AATK: variants seen among roughly 807,000 people sequenced by gnomAD.
AATK encodes the protein serine/threonine-protein kinase LMTK1.
A neutral mutation model predicts 114.3 loss-of-function variants in AATK; 91 were observed. That is an observed-to-expected ratio of 0.80 (90% CI 0.67 to 0.95). The LOEUF (loss-of-function observed/expected upper bound fraction) is 0.95. Among genes scored for constraint, AATK ranks in the 40% least tolerant of loss-of-function variants. The pLI, the probability that AATK is intolerant of heterozygous loss-of-function variation, is 0.00. For synonymous variants in AATK, 1,075 were observed against 916.5 expected, an observed-to-expected ratio of 1.17 and a Z score of -3.12; for missense variants, 2,176 against 1,965.2, an observed-to-expected ratio of 1.11 and a Z score of -2.03.
At chr17:81,161,533 A>G (rs1399676414) in intron 1 of AATK, among the ~76,000 whole-genome samples, 1 of 152,182 alleles carries the variant, frequency 6.6e-6, no homozygotes, top group Non-Finnish European at 1.5e-5. Context: ...CAGGGGGCAC[A>G]GGCAGGAGCA....
chr17:81,122,015 C>T lies in AATK; in HGVS notation c.1921G>A (p.Asp641Asn), dbSNP rs1339553177. 1 of 1,601,194 alleles carries T rather than the reference C, an allele frequency of 6.2e-7. No homozygotes were observed. The highest frequency in any genetic ancestry group is 8.5e-7 in the Non-Finnish European group (1 of 1,179,240). Residue 641 changes from aspartate to asparagine, a missense_variant, in exon 11 of 14, where the codon GAC (aspartate) becomes AAC (asparagine). By Grantham distance (23) the Asp-to-Asn change is conservative. This residue lies in a region of AATK where 1,701 missense variants were observed against 1,394.7 expected (regional missense o/e 1.22). Transcript: ENST00000326724. ...VAAFCPAFFE[D>N]PLGTSPLGSS... ...CCCAAAGGGGACGTGCCCAGTGGGT[C>T]CTCGAAGAAGGCAGGACAGAAGGCG...
chr17:81,142,348 T>C (rs372029721), intron 1 of AATK, among the ~76,000 whole-genome samples: 3 of 151,814 alleles, frequency 2.0e-5, no homozygotes, highest in Middle Eastern at 6.9e-3. Flanking sequence ...TCACGGCTCA[T>C]GGCAGCCTCA....
intron 1 of AATK, among the ~76,000 whole-genome samples, chr17:81,143,541 C>T (rs115919037): frequency 8.2e-4 from 58 of 70,946 alleles, no homozygotes; most frequent in South Asian, 2.0e-3. Context: ...CCCCACCCCC[C>T]GTGTCCACGC....
chr17:81,150,228 T>C (rs74002074), intron 1 of AATK, among the ~76,000 whole-genome samples: 4,004 of 152,242 alleles, frequency 0.026, 136 homozygotes, highest in East Asian at 0.19. Context: ...GCCCCTGAGC[T>C]GTTTGCTGTA....
chr17:81,138,480 CAT>C lies in AATK; in HGVS notation c.56-3981_56-3980del, dbSNP rs1341504366. Among the ~76,000 whole-genome samples, 7 of 150,502 alleles carry C rather than the reference CAT, an allele frequency of 4.7e-5. 1 individual carries two copies. Among genetic ancestry groups the C allele is most frequent in the Admixed American group, 4.0e-4 (6 of 15,146 alleles). Reference sequence around the variant, plus strand: ...GCACACACACCCACCCACATGCACACATGCATGCACACACACCCTCGTGCAGA... The same window carrying C: ...GCACACACACCCACCCACATGCACACGCATGCACACACACCCTCGTGCAGA... On this transcript the variant is annotated intron_variant, in intron 1 of 13. Coordinates refer to ENST00000326724, the MANE Select transcript of AATK (RefSeq NM_001080395.3).
At chr17:81,142,668 T>A (rs958327715) in intron 1 of AATK, among the ~76,000 whole-genome samples, 1 of 152,142 alleles carries the variant, frequency 6.6e-6, no homozygotes, top group East Asian at 1.9e-4. Context: ...AGGAGGTGCT[T>A]GGGGTGGAGA....
At chr17:81,134,733 G>T (rs1184867660) in intron 1 of AATK, among the ~76,000 whole-genome samples, 1 of 152,242 alleles carries the variant, frequency 6.6e-6, no homozygotes, top group African/African-American at 2.4e-5. Context: ...GGGGACATAG[G>T]GTTGGCAGAG....
At chr17:81,157,459 C>T (rs745845697) in intron 1 of AATK, among the ~76,000 whole-genome samples, 15 of 152,186 alleles carry the variant, frequency 9.9e-5, no homozygotes, top group Non-Finnish European at 2.2e-4. Context: ...GTGCTAGGAC[C>T]AGCCCTACTC....
intron 1 of AATK, among the ~76,000 whole-genome samples, chr17:81,140,258 C>T (rs1200095370): frequency 1.3e-5 from 2 of 152,204 alleles, no homozygotes; most frequent in Admixed American, 6.5e-5. Context: ...AGGGCCTTCA[C>T]CCCCACTTGC....
chr17:81,120,105 A>G (rs747167873), intron 11 of AATK, 22 bp from the exon 12 acceptor site: 7 of 1,465,350 alleles, frequency 4.8e-6, no homozygotes, highest in Non-Finnish European at 5.4e-6. Context: ...AGAGAGCACC[A>G]GGTAGCTCGG....
At position 81,124,929 on chromosome 17, in the gene AATK, C is replaced by T; in HGVS notation, c.840+1G>A. On this transcript the variant is annotated splice_donor_variant, in intron 8 of 13. Transcript: ENST00000326724. LOFTEE classifies it high-confidence loss of function. ...AGCCCAGCCCACCCCACCCCACTCACTCTGTACTTGCAGTGAGCCAGGCCA... is the reference window on the plus strand; with the variant it reads ...AGCCCAGCCCACCCCACCCCACTCATTCTGTACTTGCAGTGAGCCAGGCCA... The T allele has an allele frequency of 1.3e-6, 2 of 1,562,014 alleles. No individual in the cohort carries two copies. Among genetic ancestry groups the T allele is most frequent in the Non-Finnish European group, 1.7e-6 (2 of 1,150,752 alleles).
At position 81,121,280 on chromosome 17, in the gene AATK, C is replaced by T. The variant is rs775884474; in HGVS notation, c.2656G>A (p.Val886Met). 1.7e-5 allele frequency: 27 copies of T among 1,611,274 alleles called. No homozygotes were observed. The highest frequency in any genetic ancestry group is 1.4e-5 in the Non-Finnish European group (16 of 1,179,500). ...TGCAGAGAGCGGAAGGCTGGCACCA[C>T]ATCCGGCCTCCTGGCCTGCAGGCCG... ...SDGLQARRPD[V>M]VPAFRSLQKQ... Residue 886 changes from valine (V) to methionine (M), a missense_variant, in exon 11 of 14, where the codon GTG (valine) becomes ATG (methionine). Around this residue, in one of 4 missense-constraint regions of AATK, gnomAD observed 1,701 missense variants for 1,394.7 expected, o/e 1.22. Transcript: ENST00000326724.
rs368451595 is a variant in AATK, at chr17:81,121,066, C to G, written c.2870G>C (p.Gly957Ala). ...PEFVLKEAQE[G>A]CEPQAFAELA... is the part of the protein sequence containing the mutation. Reference sequence around the variant, plus strand: ...CTCCGCAAAGGCCTGGGGCTCACACCCTTCCTGCGCCTCCTTGAGCACAAA... The same window carrying G: ...CTCCGCAAAGGCCTGGGGCTCACACGCTTCCTGCGCCTCCTTGAGCACAAA... The change falls in exon 11 of 14, where the codon GGG becomes GCG. Residue 957 changes from glycine to alanine, a missense_variant. Physicochemically the swap from Gly to Ala is moderately conservative, Grantham distance 60 (BLOSUM62 0). Around this residue, in one of 4 missense-constraint regions of AATK, gnomAD observed 1,701 missense variants for 1,394.7 expected, o/e 1.22. Coordinates refer to ENST00000326724, the MANE Select transcript of AATK (RefSeq NM_001080395.3). 2.6e-5 allele frequency: 42 copies of G among 1,607,512 alleles called. No individual in the cohort carries two copies. The African/African-American group carries it at 5.1e-4, about 19-fold the overall frequency.
At position 81,120,330 on chromosome 17, in the gene AATK, C is replaced by T; in HGVS notation, c.3606G>A (p.Gln1202=). The change falls in exon 11 of 14, where the codon CAG becomes CAA. Residue 1202 remains glutamine, a synonymous_variant. Transcript: ENST00000326724. ...PAVPVVVAES[Q]SARNLRSLLK... Reference sequence around the variant, plus strand: ...GCAGGCTGCGCAGGTTGCGCGCGCTCTGGCTCTCAGCCACCACCACGGGCA... The same window carrying T: ...GCAGGCTGCGCAGGTTGCGCGCGCTTTGGCTCTCAGCCACCACCACGGGCA... The T allele has an allele frequency of 6.2e-7, 1 of 1,610,708 alleles. No homozygotes were observed. The highest frequency in any genetic ancestry group is 8.5e-7 in the Non-Finnish European group (1 of 1,179,310).
At chr17:81,124,585 A>T in intron 9 of AATK, 142 bp downstream of exon 9, 1 of 1,418,776 alleles carries the variant, frequency 7.0e-7, no homozygotes, top group Non-Finnish European at 9.4e-7. Flanking sequence ...CCACCCAACC[A>T]GCCACTTGGG....
chr17:81,119,245 CGGGGCCG>C (rs2146277075), intron 13 of AATK, 128 bp downstream of exon 13: 2 of 222,998 alleles, frequency 9.0e-6, no homozygotes, highest in Non-Finnish European at 6.6e-6. Flanking sequence ...CGGGAAGGAG[CGGGGCCG>C]GGAAGGAGCG....
At chr17:81,164,091 A>T (rs2061457012) in intron 1 of AATK, among the ~76,000 whole-genome samples, 1 of 71,584 alleles carries the variant, frequency 1.4e-5, no homozygotes, top group Non-Finnish European at 3.7e-5. Context: ...CAGCACCACC[A>T]CTCCAGCACA....
At chr17:81,155,782 C>T (rs2061354511) in intron 1 of AATK, among the ~76,000 whole-genome samples, 1 of 151,884 alleles carries the variant, frequency 6.6e-6, no homozygotes, top group Admixed American at 6.6e-5. Context: ...AACTCCTGGG[C>T]TCAAGCAGTC....
chr17:81,119,634 GCCCCGC>G, intron 12 of AATK, 54 bp from the exon 13 acceptor site: 1 of 1,316,724 alleles, frequency 7.6e-7, no homozygotes. Flanking sequence ...CCCCGGCCCG[GCCCCGC>G]TCCCACAGTC....
Sources: allele counts gnomAD v4.1 joint callset (sites outside exome capture counted in the v4.1 genomes callset), GRCh38; gene constraint gnomAD v4.1.1; regional missense constraint gnomAD v4.1.1; transcripts MANE v1.5; gene names NCBI Gene and HGNC (gene_info 2026-07-23, HGNC 2026-07-21).